POLR1E: variants seen among roughly 807,000 people sequenced by gnomAD.
POLR1E encodes RNA polymerase I subunit E.
POLR1E carries 37 observed loss-of-function variants against 50.9 expected under a neutral mutation model. That is an observed-to-expected ratio of 0.73 (90% CI 0.56 to 0.96). The LOEUF is 0.96. Ranked by LOEUF, POLR1E falls within the 40% of genes least tolerant of loss-of-function variation. The pLI, the probability that POLR1E is intolerant of heterozygous loss-of-function variation, is 0.00. For synonymous variants in POLR1E, 166 were observed against 191.6 expected, an observed-to-expected ratio of 0.87 and a Z score of 1.10; for missense variants, 426 against 518.1, an observed-to-expected ratio of 0.82 and a Z score of 1.73.
At chr9:37,501,358 G>A (rs990795674) in intron 10 of POLR1E, among the ~76,000 whole-genome samples, 22 of 152,350 alleles carry the variant, frequency 1.4e-4, no homozygotes, top group African/African-American at 5.1e-4. Flanking sequence ...GAGTGTGCTT[G>A]GAAGAATCAG....
intron 8 of POLR1E, 52 bp downstream of exon 8, chr9:37,496,038 C>A: frequency 7.2e-7 from 1 of 1,384,652 alleles, no homozygotes; most frequent in Non-Finnish European, 1.0e-6. Flanking sequence ...TGGGACCCAA[C>A]AGTAGTCAGA....
intron 4 of POLR1E, among the ~76,000 whole-genome samples, chr9:37,491,054 C>G (rs1159163812): frequency 6.6e-6 from 1 of 152,222 alleles, no homozygotes; most frequent in African/African-American, 2.4e-5. Context: ...AGTCTCTACA[C>G]TAATTTGAGG....
rs777242586 is a variant in POLR1E, at chr9:37,487,881, C to A, written c.199C>A (p.Leu67Ile). The change falls in exon 3 of 12, where the codon CTC (leucine) becomes ATC (isoleucine). Residue 67 changes from leucine to isoleucine, a missense_variant. Leu to Ile is a conservative substitution (Grantham distance 5). Coordinates refer to ENST00000377798, the MANE Select transcript of POLR1E (RefSeq NM_022490.4). ...ATTTTAGGCAGCTGAAACAGATAGG[C>A]TCTCCTATGTGGGAAACAATTTTGG... ...QRILAAETDR[L>I]SYVGNNFGTG... 6.2e-7 allele frequency: 1 copy of A among 1,614,176 alleles called. No homozygotes were observed. The highest frequency in any genetic ancestry group is 8.5e-7 in the Non-Finnish European group (1 of 1,180,016).
chr9:37,495,923 GC>G lies in POLR1E; in HGVS notation c.692del (p.Pro231HisfsTer14). On this transcript the variant is annotated frameshift_variant, in exon 8 of 12. Coordinates refer to ENST00000377798, the MANE Select transcript of POLR1E (RefSeq NM_022490.4). LOFTEE classifies it high-confidence loss of function. ...CCTGCGGAGTATGAAGCTCTTCAGA[GC>G]CCATCTGAAGCTTTCAGGAACGTCA... ...LSPAEYEALQSPSEAFRNVTS... is the reference protein window; with the variant it reads ...LSPAEYEALQXPSEAFRNVTS... 6.2e-7 allele frequency: 1 copy of G among 1,613,930 alleles called. No individual in the cohort carries two copies. The highest frequency in any genetic ancestry group is 8.5e-7 in the Non-Finnish European group (1 of 1,179,808).
intron 9 of POLR1E, among the ~76,000 whole-genome samples, chr9:37,498,441 C>A (rs923427945): frequency 1.3e-5 from 2 of 152,158 alleles, no homozygotes; most frequent in Non-Finnish European, 2.9e-5. Context: ...AAATTGGGGC[C>A]ACGTTGGATT....
chr9:37,502,026 A>C (rs556216928), intron 11 of POLR1E, among the ~76,000 whole-genome samples, 182 bp downstream of exon 11: 2 of 152,344 alleles, frequency 1.3e-5, no homozygotes, highest in Admixed American at 1.3e-4. Flanking sequence ...GACATTACTG[A>C]GTGCCTTCTC....
chr9:37,501,909 G>A, intron 11 of POLR1E, 65 bp downstream of exon 11: 1 of 1,523,038 alleles, frequency 6.6e-7, no homozygotes, highest in Non-Finnish European at 8.9e-7. Context: ...GGTACCACTG[G>A]AAAGCATGAG....
chr9:37,486,246 C>T (rs1004993326), intron 1 of POLR1E, 123 bp downstream of exon 1: 1 of 1,322,796 alleles, frequency 7.6e-7, no homozygotes, highest in Non-Finnish European at 1.0e-6. Flanking sequence ...CTCTAGTCTC[C>T]ACCACTCCCC....
At position 37,492,623 on chromosome 9, in the gene POLR1E, TTTTC is replaced by T. The variant is rs745419989; in HGVS notation, c.344-28_344-25del. 6 of 1,606,530 alleles carry T rather than the reference TTTTC, an allele frequency of 3.7e-6. No homozygotes were observed. In the African/African-American group the frequency reaches 6.7e-5, roughly 18 times the overall value. ...ACTATTTGTAGGCCTCCCAATTGACTTTTCTTTCTCTCTGTTTTTGTGTGTTTTG... is the reference window on the plus strand; with the variant it reads ...ACTATTTGTAGGCCTCCCAATTGACTTTTCTCTCTGTTTTTGTGTGTTTTG... On this transcript the variant is annotated intron_variant, in intron 4 of 11. Transcript: ENST00000377798.
intron 4 of POLR1E, among the ~76,000 whole-genome samples, chr9:37,489,667 G>A (rs1372957899): frequency 6.6e-6 from 1 of 151,784 alleles, no homozygotes; most frequent in Admixed American, 6.6e-5. Context: ...TCCACCTCCC[G>A]GGTTCAAGTG....
chr9:37,496,779 T>G lies in POLR1E; in HGVS notation c.752+793T>G, dbSNP rs1165735188. The stretch of plus-strand genomic sequence containing the variant: ...ACTGAGTCCCCGAACTCTGCCCTTA[T>G]CTTCCCTTCTTGAAGCCTCAGTTTT... On this transcript the variant is annotated intron_variant, in intron 8 of 11. Transcript: ENST00000377798. 3.9e-5 allele frequency among the ~76,000 whole-genome samples: 6 copies of G among 152,240 alleles called. No individual in the cohort carries two copies. In the East Asian group the frequency reaches 1.2e-3, roughly 29 times the overall value.
At chr9:37,493,827 C>T in intron 6 of POLR1E, 124 bp downstream of exon 6, 1 of 1,031,986 alleles carries the variant, frequency 9.7e-7, no homozygotes, top group South Asian at 2.4e-5. Flanking sequence ...CAGCCTCTTG[C>T]TGAAGGCCTT....
intron 4 of POLR1E, chr9:37,490,300 T>C (rs1395941583): frequency 2.3e-6 from 1 of 434,888 alleles, no homozygotes; most frequent in African/African-American, 2.0e-5. Flanking sequence ...CATTACATAA[T>C]GAACTAGGAC....
chr9:37,486,463 G>A lies in POLR1E; in HGVS notation c.77-240G>A, dbSNP rs191991991. The A allele has an allele frequency of 7.2e-5, 111 of 1,550,626 alleles. No homozygotes were observed. The African/African-American group carries it at 1.4e-3, about 19-fold the overall frequency. Reference sequence around the variant, plus strand: ...GGTATGTACCAGGCCTCTGCTGTCAGCCTCCTTCCGCGAGACATTCCCTCC... The same window carrying A: ...GGTATGTACCAGGCCTCTGCTGTCAACCTCCTTCCGCGAGACATTCCCTCC... On this transcript the variant is annotated intron_variant, in intron 1 of 11. Coordinates refer to ENST00000377798, the MANE Select transcript of POLR1E (RefSeq NM_022490.4).
chr9:37,497,074 C>A (rs10973372), intron 8 of POLR1E, among the ~76,000 whole-genome samples: 1 of 151,924 alleles, frequency 6.6e-6, no homozygotes, highest in South Asian at 2.1e-4. Flanking sequence ...AAACTTGCCC[C>A]GCTGGGCACG....
Position 37,492,682 on chromosome 9 carries a change from G to A in POLR1E, c.369G>A (p.Ala123=), listed in dbSNP as rs3739576. Residue 123 remains alanine (A), a synonymous_variant, in exon 5 of 12, where the codon GCG becomes GCA. Coordinates refer to ENST00000377798, the MANE Select transcript of POLR1E (RefSeq NM_022490.4). ...ATGTATCAGTTGAGAGTGAACTGGC[G>A]CTAGAGAGTCAGACCAAAACTTACA... The part of the protein sequence containing the change: ...FSDVSVESEL[A]LESQTKTYRE... 9.3e-6 allele frequency: 15 copies of A among 1,613,412 alleles called. No individual in the cohort carries two copies. Among genetic ancestry groups the A allele is most frequent in the East Asian group, 2.2e-5 (1 of 44,878 alleles).
Position 37,485,962 on chromosome 9 carries a change from A to C in POLR1E, c.-86A>C, listed in dbSNP as rs904316669. ...CGGGGCCACGCCTTTTCCGGCCCGC[A>C]GCGCGGCCTGGGCTCCCGCGTGTTT... On this transcript the variant is annotated 5_prime_UTR_variant, in exon 1 of 12. Transcript: ENST00000377798. The C allele has an allele frequency of 8.6e-6, 13 of 1,514,996 alleles. No homozygotes were observed. Among genetic ancestry groups the C allele is most frequent in the African/African-American group, 6.9e-5 (5 of 72,050 alleles). 93.8% of individuals were successfully genotyped at this position (1,514,996 alleles called of 1,614,324 possible).
At chr9:37,500,257 C>T (rs1269124620) in intron 9 of POLR1E, among the ~76,000 whole-genome samples, 1 of 151,188 alleles carries the variant, frequency 6.6e-6, no homozygotes, top group Non-Finnish European at 1.5e-5. Context: ...CAATCTTGGC[C>T]CACTGCAACC....
Position 37,492,659 on chromosome 9 carries a change from G to A in POLR1E, c.346G>A (p.Val116Ile), listed in dbSNP as rs10973368. The A allele has an allele frequency of 3.7e-6, 6 of 1,613,806 alleles. No homozygotes were observed. The highest frequency in any genetic ancestry group is 3.3e-5 in the Admixed American group (2 of 59,988). ...TCTGTTTTTGTGTGTTTTGATAGATGTATCAGTTGAGAGTGAACTGGCGCT... is the reference window on the plus strand; with the variant it reads ...TCTGTTTTTGTGTGTTTTGATAGATATATCAGTTGAGAGTGAACTGGCGCT... ...LFNMQPLFSD[V>I]SVESELALES... Residue 116 changes from valine to isoleucine, a missense_variant and splice_region_variant, in exon 5 of 12, where the codon GTA (valine) becomes ATA (isoleucine). Val to Ile is a conservative substitution (Grantham distance 29). Transcript: ENST00000377798.
Sources: allele counts gnomAD v4.1 joint callset (sites outside exome capture counted in the v4.1 genomes callset), GRCh38; gene constraint gnomAD v4.1.1; transcripts MANE v1.5; gene names NCBI Gene and HGNC (gene_info 2026-07-23, HGNC 2026-07-21).